The following STPG2 variants were observed in gnomAD, a reference collection of about 807,000 sequenced individuals.
The protein encoded by STPG2 is sperm-tail PG-rich repeat-containing protein 2.
In STPG2, 56 loss-of-function variants were observed where a neutral mutation model predicts 54.2. The ratio of observed to expected loss-of-function variants is 1.03; its 90% CI spans 0.83 to 1.29. STPG2 has a LOEUF of 1.29. STPG2 is among the 50% of genes most tolerant of loss of function. STPG2 has a pLI of 0.00. For synonymous variants in STPG2, 200 were observed against 181.8 expected (o/e 1.10, Z -0.81); for missense variants, 596 against 544.9 (o/e 1.09, Z -0.93).
chr4:97,561,759 A>G (rs977717515), intron 10 of STPG2, among the ~76,000 whole-genome samples: 53 of 152,148 alleles, frequency 3.5e-4, no homozygotes, highest in East Asian at 1.9e-4. Context: ...GTAGATATGC[A>G]GCGTTATTTC....
intron 7 of STPG2, among the ~76,000 whole-genome samples, chr4:97,968,885 G>A (rs529447679): frequency 6.6e-6 from 1 of 152,302 alleles, no homozygotes; most frequent in African/African-American, 2.4e-5. Flanking sequence ...CGCGTGATGT[G>A]CTTCCCCCTG....
At chr4:97,983,901 A>G (rs1401670048) in intron 5 of STPG2, among the ~76,000 whole-genome samples, 2 of 152,196 alleles carry the variant, frequency 1.3e-5, no homozygotes, top group Non-Finnish European at 2.9e-5. Context: ...ATATGCATAT[A>G]TTCATACATA....
intron 5 of STPG2, among the ~76,000 whole-genome samples, chr4:98,008,424 G>A (rs1735639133): frequency 6.6e-6 from 1 of 151,898 alleles, no homozygotes; most frequent in African/African-American, 2.4e-5. Flanking sequence ...CACTAGATTG[G>A]TCCTACAAGA....
At chr4:97,565,664 A>C (rs949196431) in intron 10 of STPG2, among the ~76,000 whole-genome samples, 2 of 152,166 alleles carry the variant, frequency 1.3e-5, no homozygotes, top group African/African-American at 4.8e-5. Flanking sequence ...CAGGATCCTC[A>C]GCTGCAGGTC....
intron 7 of STPG2, among the ~76,000 whole-genome samples, chr4:97,969,015 A>C (rs1734220189): frequency 6.6e-6 from 1 of 152,150 alleles, no homozygotes; most frequent in Non-Finnish European, 1.5e-5. Flanking sequence ...AGAGCCTATA[A>C]ACAGACGCAT....
intron 10 of STPG2, among the ~76,000 whole-genome samples, chr4:97,651,158 T>C (rs979192787): frequency 6.6e-6 from 1 of 152,134 alleles, no homozygotes; most frequent in Non-Finnish European, 1.5e-5. Context: ...ATCATTTCAA[T>C]TTTTAAACCC....
chr4:97,734,030 T>G (rs754858782), intron 9 of STPG2, among the ~76,000 whole-genome samples: 1 of 152,204 alleles, frequency 6.6e-6, no homozygotes, highest in African/African-American at 2.4e-5. Context: ...TGGGCAAAAT[T>G]TCCAGCACTA....
rs530292473 is a variant in STPG2 at position 98,119,703 on chromosome 4, C to T, written c.387+8725G>A. ...GTGGTTTGCTGCATATTAAGCCCCA[C>T]ATGCATTAGCTATTTTTTTCTGATG... On this transcript the variant is annotated intron_variant, in intron 3 of 10. Coordinates refer to ENST00000295268, the MANE Select transcript of STPG2 (RefSeq NM_174952.3). Among the ~76,000 whole-genome samples, 3 of 152,118 alleles carry T rather than the reference C, an allele frequency of 2.0e-5. No individual in the cohort carries two copies. The South Asian group carries it at 6.2e-4, about 32-fold the overall frequency.
In STPG2 at chr4:97,879,721, C is replaced by A. The variant is rs1182672979; in HGVS notation, c.1045-38789G>T. Reference sequence around the variant, plus strand: ...AGATACATATAAACATTCTCAACATCTCTAATCACCAGGAAAATGCATATT... The same window carrying A: ...AGATACATATAAACATTCTCAACATATCTAATCACCAGGAAAATGCATATT... On this transcript the variant is annotated intron_variant, in intron 8 of 10. Coordinates refer to ENST00000295268, the MANE Select transcript of STPG2 (RefSeq NM_174952.3). Among the ~76,000 whole-genome samples the A allele has an allele frequency of 3.9e-5, 6 of 152,134 alleles. No individual in the cohort carries two copies. In the South Asian group the frequency reaches 1.0e-3, roughly 26 times the overall value.
chr4:97,923,369 CCCCGT>C (rs1249475015), intron 8 of STPG2, among the ~76,000 whole-genome samples: 1 of 151,518 alleles, frequency 6.6e-6, no homozygotes, highest in Non-Finnish European at 1.5e-5. Context: ...CTCCAGGGCG[CCCCGT>C]CCCATCGACT....
chr4:97,742,271 G>A (rs1053059913), intron 9 of STPG2, among the ~76,000 whole-genome samples: 8 of 151,710 alleles, frequency 5.3e-5, no homozygotes, highest in South Asian at 4.1e-4. Context: ...GCTAAATGAC[G>A]AGTTAATGGG....
chr4:97,900,283 A>T (rs368387468), intron 8 of STPG2, among the ~76,000 whole-genome samples: 35 of 152,164 alleles, frequency 2.3e-4, no homozygotes, highest in African/African-American at 6.0e-4. Context: ...ACAGATGCTG[A>T]CAAGGTTGCA....
chr4:97,674,078 C>A (rs927571560), intron 10 of STPG2, among the ~76,000 whole-genome samples: 1 of 152,104 alleles, frequency 6.6e-6, no homozygotes, highest in Non-Finnish European at 1.5e-5. Flanking sequence ...CTGCCTTAAG[C>A]ACTCACTAGT....
At chr4:97,666,188 T>C (rs1431547987) in intron 10 of STPG2, among the ~76,000 whole-genome samples, 2 of 152,064 alleles carry the variant, frequency 1.3e-5, no homozygotes, top group South Asian at 2.1e-4. Flanking sequence ...ACCCTGCAAA[T>C]TCAGAAGGGG....
chr4:97,697,989 C>T (rs1013604929), intron 10 of STPG2, among the ~76,000 whole-genome samples: 2 of 152,174 alleles, frequency 1.3e-5, no homozygotes. Flanking sequence ...GTGGGTAAAA[C>T]TCTGTTCATG....
At position 97,726,842 on chromosome 4, in the gene STPG2, TAC is replaced by T. The variant is rs375476697; in HGVS notation, c.1205-14030_1205-14029del. Among the ~76,000 whole-genome samples, 98 of 149,186 alleles carry T rather than the reference TAC, an allele frequency of 6.6e-4. 1 individual carries two copies. The highest frequency in any genetic ancestry group is 6.3e-3 in the East Asian group (32 of 5,090). On this transcript the variant is annotated intron_variant, in intron 9 of 10. Coordinates refer to ENST00000295268, the MANE Select transcript of STPG2 (RefSeq NM_174952.3). ...CACACACACACACATAATACAAACA[TAC>T]ACACACACACACACACACAGAGAAT...
intron 8 of STPG2, among the ~76,000 whole-genome samples, chr4:97,897,429 G>A (rs548427689): frequency 1.3e-5 from 2 of 152,028 alleles, no homozygotes; most frequent in Non-Finnish European, 2.9e-5. Context: ...CCCAGTAATG[G>A]GATCGCTGAG....
At chr4:97,720,480 T>C (rs968667951) in intron 9 of STPG2, among the ~76,000 whole-genome samples, 3 of 151,978 alleles carry the variant, frequency 2.0e-5, no homozygotes, top group Admixed American at 1.3e-4. Flanking sequence ...TAATCTCCAT[T>C]AGATGTCTCA....
intron 10 of STPG2, among the ~76,000 whole-genome samples, chr4:97,589,964 T>C (rs1219563011): frequency 6.6e-6 from 1 of 152,112 alleles, no homozygotes; most frequent in Non-Finnish European, 1.5e-5. Context: ...GTTTGTATAG[T>C]GGTGAAATTG....
Sources: gnomAD v4.1 joint callset for allele counts (sites outside exome capture counted in the v4.1 genomes callset) on GRCh38, gnomAD v4.1.1 for gene constraint, MANE v1.5 for transcripts, NCBI Gene and HGNC (gene_info 2026-07-23, HGNC 2026-07-21) for gene names.